Variants in EDA observed in about 807,000 individuals in gnomAD.
EDA encodes the protein ectodysplasin A.
A neutral mutation model predicts 23.6 loss-of-function variants in EDA; 2 were observed. That is an observed-to-expected ratio of 0.08 (90% CI 0.03 to 0.27). EDA has a LOEUF of 0.27. Ranked by LOEUF, EDA falls within the 10% of genes least tolerant of loss-of-function variation. The probability of loss-of-function intolerance (pLI) is 1.00; values close to 1 mark genes in which losing one functional copy is unlikely to be tolerated. For synonymous variants in EDA, 131 were observed against 132.0 expected (o/e 0.99, Z 0.05); for missense variants, 229 against 324.2 (o/e 0.71, Z 2.26).
At chrX:69,849,189 C>T (rs1407025886) in intron 1 of EDA, among the ~76,000 whole-genome samples, 1 of 108,294 alleles carries the variant, frequency 9.2e-6, no homozygotes, top group Non-Finnish European at 1.9e-5. Context: ...AGGAGAACCA[C>T]AATTGTCTCT....
intron 1 of EDA, among the ~76,000 whole-genome samples, chrX:69,921,383 C>G (rs772634656): frequency 1.9e-4 from 21 of 111,571 alleles, no homozygotes; most frequent in Admixed American, 1.8e-3. Flanking sequence ...ATACACATAT[C>G]TATGAATATT....
intron 2 of EDA, among the ~76,000 whole-genome samples, chrX:70,003,178 C>T (rs963802021): frequency 5.4e-5 from 6 of 111,492 alleles, no homozygotes; most frequent in African/African-American, 1.6e-4. Flanking sequence ...TGAAGTGATT[C>T]GCCCAAGGTC....
intron 1 of EDA, among the ~76,000 whole-genome samples, chrX:69,742,258 G>C (rs368607643): frequency 9.0e-6 from 1 of 111,185 alleles, no homozygotes; most frequent in South Asian, 3.8e-4. Context: ...CACAGGTTTG[G>C]GTGTAGGTAA....
At chrX:69,749,855 C>T (rs748375355) in intron 1 of EDA, 3 of 106,904 alleles carry the variant, frequency 2.8e-5, no homozygotes, top group African/African-American at 6.8e-5. Flanking sequence ...CACTGTTTTT[C>T]CGAAGTTCAT....
chrX:69,793,564 G>GT (rs1362047098), intron 1 of EDA, among the ~76,000 whole-genome samples: 1 of 32,872 alleles, frequency 3.0e-5, no homozygotes, highest in African/African-American at 1.7e-4. Flanking sequence ...TTGTTTGTTT[G>GT]TTTTTGTTTT....
chrX:69,811,291 A>G (rs2015950227), intron 1 of EDA, among the ~76,000 whole-genome samples: 1 of 112,613 alleles, frequency 8.9e-6, no homozygotes, highest in Non-Finnish European at 1.9e-5. Flanking sequence ...ATTGAGACAC[A>G]TGATTCAAAC....
At chrX:69,987,284 AAAATTAAAAAAAAAAATT>A in intron 2 of EDA, among the ~76,000 whole-genome samples, 1 of 104,258 alleles carries the variant, frequency 9.6e-6, no homozygotes, top group Non-Finnish European at 1.9e-5. Flanking sequence ...TAAAAAAAAA[AAAATTAAAAAAAAAAATT>A]TTTTTTTTTA....
intron 1 of EDA, among the ~76,000 whole-genome samples, chrX:69,743,908 T>G (rs916269687): frequency 8.9e-5 from 10 of 111,868 alleles, no homozygotes; most frequent in African/African-American, 3.3e-4. Flanking sequence ...TGGAGACATT[T>G]TATGAGATAC....
chrX:69,655,762 C>CTATATATATATATATATA (rs3077261), intron 1 of EDA, among the ~76,000 whole-genome samples: 689 of 52,356 alleles, frequency 0.013, 55 homozygotes, highest in East Asian at 0.073. Context: ...TCATTAGAAT[C>CTATATATATATATATATA]TATATATATA....
At chrX:69,720,232 T>C (rs1414003325) in intron 1 of EDA, among the ~76,000 whole-genome samples, 7 of 112,334 alleles carry the variant, frequency 6.2e-5, no homozygotes. Context: ...TATTGGCCTT[T>C]ACAATTTCAG....
intron 2 of EDA, among the ~76,000 whole-genome samples, chrX:69,989,828 GA>G (rs67459949): frequency 3.0e-5 from 3 of 98,617 alleles, no homozygotes; most frequent in South Asian, 9.0e-4. Context: ...TGAACAACAG[GA>G]AAAAAAAAGA....
intron 1 of EDA, among the ~76,000 whole-genome samples, chrX:69,800,366 A>T (rs1004185096): frequency 9.0e-6 from 1 of 111,710 alleles, no homozygotes; most frequent in Non-Finnish European, 1.9e-5. Flanking sequence ...TATTTTTCAA[A>T]ATAGCTAGAA....
intron 1 of EDA, among the ~76,000 whole-genome samples, chrX:69,807,161 G>A (rs2015833581): frequency 1.8e-5 from 2 of 109,905 alleles, no homozygotes; most frequent in South Asian, 7.8e-4. Context: ...TGGAAACTAG[G>A]AAGAAAATTC....
intron 1 of EDA, among the ~76,000 whole-genome samples, chrX:69,749,948 TTGG>T (rs2013768667): frequency 1.1e-5 from 1 of 89,387 alleles, no homozygotes; most frequent in Non-Finnish European, 2.4e-5. Context: ...TTTTTTTTTT[TTGG>T]TTGGGGAGAG....
intron 1 of EDA, among the ~76,000 whole-genome samples, chrX:69,793,680 A>C (rs1162935224): frequency 9.3e-6 from 1 of 107,273 alleles, no homozygotes; most frequent in Non-Finnish European, 1.9e-5. Flanking sequence ...CTCTACAAGC[A>C]AAGAAGAGGA....
At chrX:69,981,427 T>G (rs998357805) in intron 2 of EDA, among the ~76,000 whole-genome samples, 1 of 110,104 alleles carries the variant, frequency 9.1e-6, no homozygotes, top group Non-Finnish European at 1.9e-5. Flanking sequence ...TGGGCTTCTA[T>G]TCTGGGGATT....
chrX:70,033,253 C>T, intron 6 of EDA, 145 bp from the exon 7 acceptor site: 2 of 774,529 alleles, frequency 2.6e-6, no homozygotes, highest in Non-Finnish European at 3.9e-6. Flanking sequence ...TCTCTGCTTT[C>T]AAATGCTCTT....
Position 70,024,576 on chromosome X carries a change from G to A in EDA, c.526+1335G>A, listed in dbSNP as rs749493103. Among the ~76,000 whole-genome samples the A allele has an allele frequency of 6.2e-5, 7 of 112,680 alleles. 1 individual carries two copies. Among genetic ancestry groups the A allele is most frequent in the South Asian group, 3.7e-4 (1 of 2,713 alleles). ...TGCCTGGCACTGCTACCTTGTGTAC[G>A]GGACATTATTGAGAAGACAGTGCAC... On this transcript the variant is annotated intron_variant, in intron 3 of 7. Transcript: ENST00000374552.
At chrX:69,856,008 A>C (rs2017239692) in intron 1 of EDA, among the ~76,000 whole-genome samples, 1 of 110,329 alleles carries the variant, frequency 9.1e-6, no homozygotes, top group Non-Finnish European at 1.9e-5. Context: ...AGCAGTATAC[A>C]CTGCACCTTA....
Sources: gnomAD v4.1 joint callset for allele counts (sites outside exome capture counted in the v4.1 genomes callset) on GRCh38, gnomAD v4.1.1 for gene constraint, MANE v1.5 for transcripts, NCBI Gene and HGNC (gene_info 2026-07-23, HGNC 2026-07-21) for gene names.